The following TMEM114 variants were observed in gnomAD, a reference collection of about 807,000 sequenced individuals.
TMEM114 encodes the protein transmembrane protein 114.
A neutral mutation model predicts 6.2 loss-of-function variants in TMEM114; 6 were observed. The observed-to-expected ratio is 0.97, with a 90% CI of 0.53 to 1.91. The LOEUF is 1.91. TMEM114 is among the 40% of genes most tolerant of loss of function. TMEM114 has a pLI of 0.01. For synonymous variants in TMEM114, 104 were observed against 73.0 expected (o/e 1.42, Z -2.16); for missense variants, 218 against 158.3 (o/e 1.38, Z -2.02).
At chr16:8,580,881 A>G (rs1422214477) in intron 2 of TMEM114, among the ~76,000 whole-genome samples, 1 of 152,100 alleles carries the variant, frequency 6.6e-6, no homozygotes, top group Non-Finnish European at 1.5e-5. Context: ...TGGTAGAGAC[A>G]GCGTTTCACC....
chr16:8,534,647 G>T (rs1049210329), downstream of TMEM114, among the ~76,000 whole-genome samples: 1 of 152,210 alleles, frequency 6.6e-6, no homozygotes, highest in Non-Finnish European at 1.5e-5. Flanking sequence ...AGAGGTGCTG[G>T]TGGATAGGTG....
chr16:8,526,951 T>C, the TMEM114 span, among the ~76,000 whole-genome samples: 1 of 152,228 alleles, frequency 6.6e-6, no homozygotes, highest in Non-Finnish European at 1.5e-5. Context: ...CTCGTGCCTG[T>C]AATCCCAGCA....
intron 2 of TMEM114, among the ~76,000 whole-genome samples, chr16:8,554,903 T>A (rs1900959360): frequency 6.6e-6 from 1 of 152,112 alleles, no homozygotes; most frequent in Admixed American, 6.5e-5. Context: ...CACAGCTGGG[T>A]GTTCAAATGC....
chr16:8,549,141 C>G (rs143365070), intron 2 of TMEM114, among the ~76,000 whole-genome samples: 1 of 140,448 alleles, frequency 7.1e-6, no homozygotes, highest in East Asian at 2.1e-4. Flanking sequence ...GAGATCGTAC[C>G]ACTGCACTGC....
At chr16:8,529,274 G>C in the TMEM114 span, among the ~76,000 whole-genome samples, 1 of 152,186 alleles carries the variant, frequency 6.6e-6, no homozygotes. Flanking sequence ...GGAGCTAAAA[G>C]TTGAGTGCAG....
the TMEM114 span, among the ~76,000 whole-genome samples, chr16:8,531,625 C>A: frequency 1.3e-5 from 2 of 152,306 alleles, no homozygotes; most frequent in East Asian, 1.9e-4. Context: ...AAAGTTCCTG[C>A]TGAAAGAGAT....
intron 2 of TMEM114, among the ~76,000 whole-genome samples, chr16:8,558,165 A>G (rs1901075680): frequency 6.6e-6 from 1 of 152,210 alleles, no homozygotes; most frequent in Non-Finnish European, 1.5e-5. Flanking sequence ...AGGCAGGAGA[A>G]TCACTTGAAC....
intron 2 of TMEM114, among the ~76,000 whole-genome samples, chr16:8,541,766 C>A (rs888942168): frequency 6.6e-6 from 1 of 152,142 alleles, no homozygotes; most frequent in African/African-American, 2.4e-5. Context: ...CCACTATATT[C>A]CTTGCCTGTC....
chr16:8,569,777 A>G lies in TMEM114; in HGVS notation c.668T>C (p.Ile223Thr), dbSNP rs1257865966. 2 of 1,549,736 alleles carry G rather than the reference A, an allele frequency of 1.3e-6. No individual in the cohort carries two copies. Among genetic ancestry groups the G allele is most frequent in the East Asian group, 2.4e-5 (1 of 40,842 alleles). ...TCCACGACCCAGCGCCCAGGCTCATATGGCCTGGTCCTGCCTCCGTCTCAG... is the reference window on the plus strand; with the variant it reads ...TCCACGACCCAGCGCCCAGGCTCATGTGGCCTGGTCCTGCCTCCGTCTCAG... ...LSLRRRQDQA[I>T] Residue 223 changes from isoleucine (I) to threonine (T), a missense_variant, in exon 4 of 4, where the codon ATA becomes ACA. Transcript: ENST00000620492.
At chr16:8,552,787 G>A (rs950333701) in intron 2 of TMEM114, among the ~76,000 whole-genome samples, 3 of 149,796 alleles carry the variant, frequency 2.0e-5, no homozygotes, top group East Asian at 1.9e-4. Context: ...CTGGCCTTCC[G>A]CCCTGAAGGT....
At chr16:8,574,121 A>C (rs1901833777) in intron 2 of TMEM114, among the ~76,000 whole-genome samples, 1 of 152,174 alleles carries the variant, frequency 6.6e-6, no homozygotes, top group African/African-American at 2.4e-5. Flanking sequence ...ATGGCGATGA[A>C]GAATATAGAC....
intron 2 of TMEM114, among the ~76,000 whole-genome samples, chr16:8,538,612 A>G (rs56683023): frequency 6.6e-6 from 1 of 151,986 alleles, no homozygotes; most frequent in South Asian, 2.1e-4. Context: ...GGTCCACGCC[A>G]TTCTCTTGCC....
chr16:8,571,900 T>G (rs1358039573), intron 3 of TMEM114, among the ~76,000 whole-genome samples, 187 bp downstream of exon 3: 5 of 152,158 alleles, frequency 3.3e-5, no homozygotes, highest in Non-Finnish European at 7.4e-5. Context: ...ACTGCTCCTG[T>G]CTTGGAACCA....
chr16:8,580,669 C>T (rs778970822), intron 2 of TMEM114, among the ~76,000 whole-genome samples: 3 of 152,038 alleles, frequency 2.0e-5, no homozygotes, highest in Non-Finnish European at 2.9e-5. Flanking sequence ...TCAAATTCTA[C>T]AATGCACACT....
At chr16:8,557,460 C>T (rs1042197847) in intron 2 of TMEM114, among the ~76,000 whole-genome samples, 1 of 152,154 alleles carries the variant, frequency 6.6e-6, no homozygotes, top group Admixed American at 6.5e-5. Flanking sequence ...GTTCCAGCTC[C>T]AGCTACTGCA....
At chr16:8,533,950 G>A (rs1900284697), downstream of TMEM114, among the ~76,000 whole-genome samples, 1 of 152,152 alleles carries the variant, frequency 6.6e-6, no homozygotes, top group African/African-American at 2.4e-5. Context: ...CTGCTGCTGT[G>A]ACATCTGACC....
intron 2 of TMEM114, among the ~76,000 whole-genome samples, chr16:8,540,040 A>T (rs2141647924): frequency 6.6e-6 from 1 of 151,630 alleles, no homozygotes; most frequent in Admixed American, 6.6e-5. Context: ...CTGGTCTTGA[A>T]CTCTCGACCT....
intron 2 of TMEM114, 92 bp from the exon 3 acceptor site, chr16:8,572,316 G>A: frequency 2.8e-6 from 4 of 1,418,200 alleles, no homozygotes; most frequent in Non-Finnish European, 3.9e-6. Context: ...TACTAGAGCT[G>A]GGGAAAATCC....
At chr16:8,561,554 G>T (rs73507845) in intron 2 of TMEM114, among the ~76,000 whole-genome samples, 1,562 of 152,322 alleles carry the variant, frequency 0.01, 29 homozygotes, top group African/African-American at 0.035. Flanking sequence ...ACAGCACCTG[G>T]CACATCAGGC....
Sources: gnomAD v4.1 joint callset for allele counts (sites outside exome capture counted in the v4.1 genomes callset) on GRCh38, gnomAD v4.1.1 for gene constraint, MANE v1.5 for transcripts, NCBI Gene and HGNC (gene_info 2026-07-23, HGNC 2026-07-21) for gene names.